LUC7L3: variants seen among roughly 807,000 people sequenced by gnomAD.
LUC7L3 encodes luc7-like protein 3.
LUC7L3 carries 6 observed loss-of-function variants against 66.8 expected under a neutral mutation model. That is an observed-to-expected ratio of 0.09 (90% CI 0.05 to 0.18). The LOEUF is 0.18. LUC7L3 is among the 10% of genes least tolerant of loss of function. The probability of loss-of-function intolerance (pLI) is 1.00; values close to 1 mark genes in which losing one functional copy is unlikely to be tolerated. For missense variants in LUC7L3, 341 were observed against 531.1 expected (o/e 0.64, Z 3.52); for synonymous variants, 160 against 174.7 (o/e 0.92, Z 0.66).
chr17:50,741,074 G>A, intron 3 of LUC7L3, 28 bp from the exon 4 acceptor site: 1 of 1,611,982 alleles, frequency 6.2e-7, no homozygotes, highest in Non-Finnish European at 8.5e-7. Flanking sequence ...ATTTGGAAAT[G>A]AGTACTTGTT....
intron 9 of LUC7L3, among the ~76,000 whole-genome samples, chr17:50,748,906 A>G (rs1970845056): frequency 6.6e-6 from 1 of 152,174 alleles, no homozygotes; most frequent in African/African-American, 2.4e-5. Flanking sequence ...AAAATACAGA[A>G]AAGAAACTAC....
chr17:50,741,476 C>G (rs901982907), intron 4 of LUC7L3, among the ~76,000 whole-genome samples, 181 bp from the exon 5 acceptor site: 1 of 151,948 alleles, frequency 6.6e-6, no homozygotes, highest in Non-Finnish European at 1.5e-5. Context: ...AAGATTTTTC[C>G]CTTAAATAGT....
chr17:50,742,358 G>A (rs1970403151), intron 5 of LUC7L3, among the ~76,000 whole-genome samples: 1 of 151,944 alleles, frequency 6.6e-6, no homozygotes, highest in South Asian at 2.1e-4. Context: ...AGTCTGTTTT[G>A]TTGTCGTTGT....
At chr17:50,740,742 T>G (rs1445557498) in intron 3 of LUC7L3, among the ~76,000 whole-genome samples, 7 of 152,202 alleles carry the variant, frequency 4.6e-5, no homozygotes, top group Non-Finnish European at 7.3e-5. Context: ...GTATTTTTAG[T>G]AGAGACAGGG....
At position 50,750,764 on chromosome 17, in the gene LUC7L3, C is replaced by G; in HGVS notation, c.*103C>G. 6.2e-7 allele frequency: 1 copy of G among 1,602,204 alleles called. No homozygotes were observed. Among genetic ancestry groups the G allele is most frequent in the Non-Finnish European group, 8.5e-7 (1 of 1,174,984 alleles). On this transcript the variant is annotated 3_prime_UTR_variant, in exon 10 of 10. Transcript: ENST00000505658. Reference sequence around the variant, plus strand: ...TTTGACAGTGCAGCGTAAGTATGCACAGATGAAGATGGAACTAAGCCGAGT... The same window carrying G: ...TTTGACAGTGCAGCGTAAGTATGCAGAGATGAAGATGGAACTAAGCCGAGT...
rs982229317 is a variant in LUC7L3 at position 50,720,037 on chromosome 17, G to A, written c.99+206G>A. Among the ~76,000 whole-genome samples the A allele has an allele frequency of 1.3e-5, 2 of 152,272 alleles. 1 individual carries two copies. Among genetic ancestry groups the A allele is most frequent in the African/African-American group, 4.8e-5 (2 of 41,482 alleles). On this transcript the variant is annotated intron_variant, in intron 1 of 9. Transcript: ENST00000505658. ...TGGTTTTGTTGTTCTAGTATCAAGG[G>A]GGTCCGGGAGAGCCCTTGGCATAAT...
chr17:50,740,872 A>G (rs1235166695), intron 3 of LUC7L3, among the ~76,000 whole-genome samples: 2 of 152,148 alleles, frequency 1.3e-5, no homozygotes, highest in South Asian at 2.1e-4. Flanking sequence ...GATTTTATCC[A>G]TGAGACTTGT....
chr17:50,726,941 T>C (rs1255564526), intron 1 of LUC7L3, among the ~76,000 whole-genome samples: 1 of 151,946 alleles, frequency 6.6e-6, no homozygotes, highest in Non-Finnish European at 1.5e-5. Context: ...ATACAAAAAT[T>C]AGCCAGGCGT....
At chr17:50,740,242 T>C (rs1249810976) in intron 2 of LUC7L3, 64 bp from the exon 3 acceptor site, 3 of 1,252,716 alleles carry the variant, frequency 2.4e-6, no homozygotes. Context: ...TAACTCTTTT[T>C]TTTTGGCAAG....
chr17:50,743,950 A>C (rs1234136096), intron 6 of LUC7L3, 140 bp downstream of exon 6: 1 of 640,588 alleles, frequency 1.6e-6, no homozygotes, highest in African/African-American at 1.9e-5. Flanking sequence ...TGTGGCATCT[A>C]CTAAGCTCTG....
At chr17:50,736,915 T>G in intron 1 of LUC7L3, 45 bp from the exon 2 acceptor site, 2 of 1,313,258 alleles carry the variant, frequency 1.5e-6, no homozygotes, top group Admixed American at 1.8e-5. Flanking sequence ...CAATAAAGTT[T>G]TAAAACCAAG....
chr17:50,736,296 T>C (rs1969980013), intron 1 of LUC7L3, among the ~76,000 whole-genome samples: 1 of 152,272 alleles, frequency 6.6e-6, no homozygotes, highest in Non-Finnish European at 1.5e-5. Context: ...GTTACAAAAG[T>C]ACCAGTGGGA....
chr17:50,725,624 G>A (rs1969130018), intron 1 of LUC7L3, among the ~76,000 whole-genome samples: 1 of 152,060 alleles, frequency 6.6e-6, no homozygotes, highest in Admixed American at 6.6e-5. Flanking sequence ...GAACAACACG[G>A]GTTTGAGTTG....
chr17:50,738,635 A>G (rs377462250), intron 2 of LUC7L3, among the ~76,000 whole-genome samples: 3 of 152,342 alleles, frequency 2.0e-5, no homozygotes, highest in East Asian at 3.9e-4. Flanking sequence ...AAATCACCAG[A>G]AAGATTTGAA....
chr17:50,752,104 T>C lies in LUC7L3; in HGVS notation c.*1443T>C. ...ATACAAGCATTCCATGTACACATGTTAATTAGCAGTTAGTGACTGGGCCAA... is the reference window on the plus strand; with the variant it reads ...ATACAAGCATTCCATGTACACATGTCAATTAGCAGTTAGTGACTGGGCCAA... On this transcript the variant is annotated 3_prime_UTR_variant, in exon 10 of 10. Transcript: ENST00000505658. 8.0e-7 allele frequency: 1 copy of C among 1,254,046 alleles called. No homozygotes were observed. Among genetic ancestry groups the C allele is most frequent in the Non-Finnish European group, 1.0e-6 (1 of 973,780 alleles). The allele number at this position is 1,254,046 out of a possible 1,614,324, so 77.7% of individuals were successfully genotyped here. A position where few individuals can be genotyped will look rare whatever the true frequency, so the allele number is the denominator to read the frequency against.
chr17:50,747,451 A>C (rs773232388), intron 9 of LUC7L3, among the ~76,000 whole-genome samples: 1 of 151,640 alleles, frequency 6.6e-6, no homozygotes, highest in Non-Finnish European at 1.5e-5. Flanking sequence ...AATATCTTTT[A>C]TTTTGTATTG....
At position 50,743,692 on chromosome 17, in the gene LUC7L3, C is replaced by T. The variant is rs1970495107; in HGVS notation, c.427-14C>T. ...AAAGAAATCTTAACTGTTTTTTTCC[C>T]CTACTCTTCTAAGATTGAAGAATTA... On this transcript the variant is annotated splice_polypyrimidine_tract_variant and intron_variant, in intron 5 of 9. Coordinates refer to ENST00000505658, the MANE Select transcript of LUC7L3 (RefSeq NM_016424.5). 3 of 1,518,954 alleles carry T rather than the reference C, an allele frequency of 2.0e-6. No individual in the cohort carries two copies. Among genetic ancestry groups the T allele is most frequent in the African/African-American group, 1.4e-5 (1 of 72,356 alleles). The allele number at this position is 1,518,954 out of a possible 1,614,324, so 94.1% of individuals were successfully genotyped here. A position where few individuals can be genotyped will look rare whatever the true frequency, so the allele number is the denominator to read the frequency against.
intron 6 of LUC7L3, 119 bp from the exon 7 acceptor site, chr17:50,744,533 T>C: frequency 2.2e-6 from 2 of 907,168 alleles, no homozygotes; most frequent in Non-Finnish European, 3.2e-6. Flanking sequence ...ATTACTGATT[T>C]GGGGAAATGG....
rs1229438198 is a variant in LUC7L3 at position 50,750,520 on chromosome 17, T to TA, written c.1165dup (p.Ser389LysfsTer2). On this transcript the variant is annotated frameshift_variant, in exon 10 of 10. Transcript: ENST00000505658. LOFTEE classifies it high-confidence loss of function. ...TGGCAGAAAAGAGGGGATCTGATGA[T>TA]AAAAAAAGTAGTGTGAAGTCCGGTA... 1.2e-6 allele frequency: 2 copies of TA among 1,613,634 alleles called. No individual in the cohort carries two copies. The highest frequency in any genetic ancestry group is 8.5e-7 in the Non-Finnish European group (1 of 1,179,792).
Sources: gnomAD v4.1 joint callset for allele counts (sites outside exome capture counted in the v4.1 genomes callset) on GRCh38, gnomAD v4.1.1 for gene constraint, MANE v1.5 for transcripts, NCBI Gene and HGNC (gene_info 2026-07-23, HGNC 2026-07-21) for gene names.